DIP2C: variants seen among roughly 807,000 people sequenced by gnomAD.
The protein encoded by DIP2C is disco-interacting protein 2 homolog C.
DIP2C carries 33 observed loss-of-function variants against 192.4 expected under a neutral mutation model. The observed-to-expected ratio is 0.17, with a 90% CI of 0.13 to 0.23. DIP2C has a LOEUF of 0.23. Among genes scored for constraint, DIP2C ranks in the 10% least tolerant of loss-of-function variants. The pLI, the probability that DIP2C is intolerant of heterozygous loss-of-function variation, is 1.00. For synonymous variants in DIP2C, 979 were observed against 864.1 expected (o/e 1.13, Z -2.33); for missense variants, 1,537 against 2,110.1 (o/e 0.73, Z 5.32).
chr10:619,533 G>GCCCTCCCTCCCTCCCTCCCT (rs1172584696), intron 1 of DIP2C, among the ~76,000 whole-genome samples: 3 of 38,768 alleles, frequency 7.7e-5, no homozygotes, highest in African/African-American at 3.0e-4. Flanking sequence ...GACCAAGCCC[G>GCCCTCCCTCCCTCCCTCCCT]CCCGCCCGCC....
intron 1 of DIP2C, among the ~76,000 whole-genome samples, chr10:488,973 C>A (rs1307092439): frequency 6.6e-6 from 1 of 152,276 alleles, no homozygotes; most frequent in Non-Finnish European, 1.5e-5. Flanking sequence ...CGCTGAAGAC[C>A]TGGGCAGACG....
chr10:546,198 C>G (rs1339414668), intron 1 of DIP2C, among the ~76,000 whole-genome samples: 2 of 151,098 alleles, frequency 1.3e-5, no homozygotes, highest in African/African-American at 2.4e-5. Flanking sequence ...AGGAGAATCA[C>G]TTGAACCCGG....
At chr10:407,230 T>A (rs1342448556) in intron 9 of DIP2C, among the ~76,000 whole-genome samples, 1 of 152,240 alleles carries the variant, frequency 6.6e-6, no homozygotes, top group South Asian at 2.1e-4. Context: ...AATCACGCAA[T>A]ACCTGTTTTG....
intron 3 of DIP2C, among the ~76,000 whole-genome samples, chr10:448,018 C>A (rs537290050): frequency 1.5e-5 from 2 of 132,422 alleles, no homozygotes; most frequent in South Asian, 2.5e-4. Flanking sequence ...CCCGCTCACT[C>A]CCACTGATGC....
At chr10:333,251 C>A (rs1453499240) in intron 29 of DIP2C, among the ~76,000 whole-genome samples, 1 of 152,140 alleles carries the variant, frequency 6.6e-6, no homozygotes, top group Non-Finnish European at 1.5e-5. Context: ...ACTTTGCATA[C>A]CCTAAGTTTC....
chr10:419,151 G>C lies in DIP2C; in HGVS notation c.653C>G (p.Ser218Trp). 2.5e-6 allele frequency: 4 copies of C among 1,614,234 alleles called. No homozygotes were observed. Among genetic ancestry groups the C allele is most frequent in the Non-Finnish European group, 3.4e-6 (4 of 1,180,044 alleles). Reference sequence around the variant, plus strand: ...ACCCTGCGGTCTCTCCACCTGTATCGAGTGCTCTGAGGTGTACGTGGTTAC... The same window carrying C: ...ACCCTGCGGTCTCTCCACCTGTATCCAGTGCTCTGAGGTGTACGTGGTTAC... ...PDVTTYTSEHSIQVERPQGST... is the reference protein window; with the variant it reads ...PDVTTYTSEHWIQVERPQGST... Residue 218 changes from serine to tryptophan, a missense_variant, in exon 6 of 37, where the codon TCG becomes TGG. This residue lies in a region of DIP2C where 473 missense variants were observed against 539.6 expected (regional missense o/e 0.88). Coordinates refer to ENST00000280886, the MANE Select transcript of DIP2C (RefSeq NM_014974.3).
chr10:621,362 T>C (rs1853836010), intron 1 of DIP2C, among the ~76,000 whole-genome samples: 1 of 151,440 alleles, frequency 6.6e-6, no homozygotes, highest in Non-Finnish European at 1.5e-5. Flanking sequence ...CTCACGAGTC[T>C]GTGCCAATAT....
intron 32 of DIP2C, among the ~76,000 whole-genome samples, chr10:306,070 T>C (rs937113296): frequency 3.3e-5 from 5 of 151,984 alleles, no homozygotes; most frequent in African/African-American, 9.7e-5. Flanking sequence ...ATTGAGAGAC[T>C]TATGATTTCA....
At chr10:487,390 C>T (rs897858362) in intron 1 of DIP2C, among the ~76,000 whole-genome samples, 1 of 152,078 alleles carries the variant, frequency 6.6e-6, no homozygotes, top group Non-Finnish European at 1.5e-5. Context: ...CTGGTCAACT[C>T]ACTTTTCCTA....
intron 5 of DIP2C, 73 bp from the exon 6 acceptor site, chr10:419,272 C>A: frequency 6.2e-7 from 1 of 1,600,898 alleles, no homozygotes; most frequent in Non-Finnish European, 8.5e-7. Flanking sequence ...AGCCACAGCC[C>A]AGGAAGAGAC....
chr10:573,607 A>C (rs1849960210), intron 1 of DIP2C, among the ~76,000 whole-genome samples: 1 of 152,014 alleles, frequency 6.6e-6, no homozygotes, highest in South Asian at 2.1e-4. Flanking sequence ...ATGGGGTTTC[A>C]CCAGGTTGCC....
At chr10:310,652 T>C (rs1285566850) in intron 31 of DIP2C, among the ~76,000 whole-genome samples, 3 of 152,202 alleles carry the variant, frequency 2.0e-5, no homozygotes, top group African/African-American at 7.2e-5. Flanking sequence ...GGGCATTTTA[T>C]CCTGGAGAGC....
At chr10:286,207 G>C in intron 34 of DIP2C, 66 bp downstream of exon 34, 2 of 1,477,954 alleles carry the variant, frequency 1.4e-6, no homozygotes, top group Non-Finnish European at 1.9e-6. Flanking sequence ...AGTTCTGATG[G>C]TGTCAAGGCA....
chr10:496,378 C>T (rs573025853), intron 1 of DIP2C, among the ~76,000 whole-genome samples: 81 of 134,020 alleles, frequency 6.0e-4, no homozygotes, highest in Non-Finnish European at 1.0e-3. Context: ...ACTCTTAATA[C>T]CCCAAACATG....
At chr10:654,958 T>C (rs1394881934) in intron 1 of DIP2C, among the ~76,000 whole-genome samples, 1 of 152,222 alleles carries the variant, frequency 6.6e-6, no homozygotes, top group Non-Finnish European at 1.5e-5. Context: ...TCTTCTATAC[T>C]GAAAGGAGTT....
At position 363,309 on chromosome 10, in the gene DIP2C, A is replaced by G. The variant is rs1564616807; in HGVS notation, c.2480T>C (p.Ile827Thr). 6.2e-7 allele frequency: 1 copy of G among 1,610,548 alleles called. No homozygotes were observed. The highest frequency in any genetic ancestry group is 8.5e-7 in the Non-Finnish European group (1 of 1,179,870). ...EPMKFVYRGR[I>T]AVFSVTVLHD... ...CAGCACGGTCACCGAGAACACGGCTATCCTGCGGGGACACAGGAGCATGGT... is the reference window on the plus strand; with the variant it reads ...CAGCACGGTCACCGAGAACACGGCTGTCCTGCGGGGACACAGGAGCATGGT... The change falls in exon 21 of 37, where the codon ATA becomes ACA. Residue 827 changes from isoleucine to threonine, a missense_variant and splice_region_variant. By Grantham distance (89) the Ile-to-Thr change is moderately conservative. Around this residue, in one of 4 missense-constraint regions of DIP2C, gnomAD observed 677 missense variants for 989.9 expected, o/e 0.68. Transcript: ENST00000280886. This position sits in a 1 kb window ranked among gnomAD's most constrained non-coding sequence, Gnocchi z 5.4.
At chr10:638,877 C>A (rs1429973468) in intron 1 of DIP2C, among the ~76,000 whole-genome samples, 1 of 152,252 alleles carries the variant, frequency 6.6e-6, no homozygotes, top group Non-Finnish European at 1.5e-5. Context: ...GGCTCTAATT[C>A]CGCCTCCGGG....
rs1264481196 is a variant in DIP2C, at chr10:382,664, G to A, written c.1974C>T (p.Leu658=). The A allele has an allele frequency of 6.2e-7, 1 of 1,613,748 alleles. No homozygotes were observed. Among genetic ancestry groups the A allele is most frequent in the Non-Finnish European group, 8.5e-7 (1 of 1,179,814 alleles). ...ICPCASSPEA[L]TVAIRRPTDD... is the part of the protein sequence containing the mutation. ...CCCAGTACCTCCGGATGGCCACAGT[G>A]AGGGCCTCTGGCGAGCTGGCACAAG... is the stretch of plus-strand genomic sequence containing the variant. Residue 658 remains leucine, a synonymous_variant, in exon 17 of 37, where the codon CTC becomes CTT. Transcript: ENST00000280886.
intron 1 of DIP2C, among the ~76,000 whole-genome samples, chr10:672,727 A>G (rs1416182291): frequency 6.6e-6 from 1 of 152,246 alleles, no homozygotes; most frequent in Non-Finnish European, 1.5e-5. Context: ...GAACTCATTT[A>G]GAATATTTCT....
Sources: allele counts gnomAD v4.1 joint callset (sites outside exome capture counted in the v4.1 genomes callset), GRCh38; gene constraint gnomAD v4.1.1; regional missense constraint gnomAD v4.1.1; non-coding constraint Gnocchi (gnomAD v3.1); transcripts MANE v1.5; gene names NCBI Gene and HGNC (gene_info 2026-07-23, HGNC 2026-07-21).